The following NSG1 variants were observed in gnomAD, a reference collection of about 807,000 sequenced individuals.
NSG1 encodes the protein neuronal vesicle trafficking-associated protein 1.
In NSG1, 9 loss-of-function variants were observed where a neutral mutation model predicts 19.3. That is an observed-to-expected ratio of 0.47 (90% CI 0.28 to 0.81). The LOEUF is 0.81. Ranked by LOEUF, NSG1 falls within the 40% of genes least tolerant of loss-of-function variation. The probability of loss-of-function intolerance (pLI) is 0.11; values close to 1 mark genes in which losing one functional copy is unlikely to be tolerated. For missense variants in NSG1, 236 were observed against 242.4 expected (o/e 0.97, Z 0.18); for synonymous variants, 104 against 107.0 (o/e 0.97, Z 0.17).
intron 3 of NSG1, among the ~76,000 whole-genome samples, chr4:4,402,827 C>T (rs1263583309): frequency 1.3e-5 from 2 of 152,246 alleles, no homozygotes; most frequent in East Asian, 1.9e-4. Flanking sequence ...TTCTCCCAAC[C>T]TAGAGACTGC....
chr4:4,396,647 T>G (rs1256790377), intron 3 of NSG1, among the ~76,000 whole-genome samples: 1 of 149,634 alleles, frequency 6.7e-6, no homozygotes, highest in Non-Finnish European at 1.5e-5. Context: ...TTTGTGTCTT[T>G]TCTTCACATC....
intron 3 of NSG1, among the ~76,000 whole-genome samples, chr4:4,404,784 A>G (rs1425993495): frequency 2.6e-5 from 4 of 152,130 alleles, no homozygotes; most frequent in Non-Finnish European, 5.9e-5. Context: ...TTTAATTAGG[A>G]AAAAAGAGAT....
chr4:4,398,649 C>T (rs1177157380), intron 3 of NSG1, among the ~76,000 whole-genome samples: 1 of 152,224 alleles, frequency 6.6e-6, no homozygotes, highest in Non-Finnish European at 1.5e-5. Context: ...GAGTAATATT[C>T]CATTGTACCG....
intron 4 of NSG1, among the ~76,000 whole-genome samples, chr4:4,413,495 C>T (rs530898180): frequency 6.6e-5 from 10 of 150,892 alleles, no homozygotes; most frequent in East Asian, 2.0e-4. Flanking sequence ...CAAGCAGAAG[C>T]GGAGGGTGCG....
chr4:4,408,753 C>A (rs1724000392), intron 3 of NSG1, among the ~76,000 whole-genome samples: 1 of 152,222 alleles, frequency 6.6e-6, no homozygotes, highest in African/African-American at 2.4e-5. Context: ...AGTCACCACG[C>A]CCAGCCCGTT....
At chr4:4,390,495 TCCTGGTCC>T (rs1240116709) in intron 2 of NSG1, among the ~76,000 whole-genome samples, 13 of 152,320 alleles carry the variant, frequency 8.5e-5, no homozygotes, top group Non-Finnish European at 1.3e-4. Context: ...CTTTGTTCTG[TCCTGGTCC>T]CCACCATCGT....
intron 3 of NSG1, among the ~76,000 whole-genome samples, chr4:4,400,220 C>A (rs1219304699): frequency 6.6e-6 from 1 of 152,194 alleles, no homozygotes; most frequent in African/African-American, 2.4e-5. Flanking sequence ...ACTGTTCTTT[C>A]CTTATTGAAT....
intron 3 of NSG1, among the ~76,000 whole-genome samples, chr4:4,402,089 A>G (rs10033274): frequency 0.026 from 3,421 of 132,258 alleles, 118 homozygotes; most frequent in African/African-American, 0.091. Context: ...AGTTATCCCT[A>G]TGTTGCCCAG....
At chr4:4,387,051 G>A (rs1397697379), upstream of NSG1, 1 of 152,082 alleles carries the variant, frequency 6.6e-6, no homozygotes, top group Non-Finnish European at 1.5e-5. Context: ...GAGCGGCCGT[G>A]GAGCCCAATC....
intron 1 of NSG1, 43 bp from the exon 2 acceptor site, chr4:4,387,561 C>CCGGGGGTGGGGG: frequency 1.1e-5 from 13 of 1,141,974 alleles, no homozygotes; most frequent in Admixed American, 2.3e-5. Context: ...CGCCCCGCCC[C>CCGGGGGTGGGGG]GGGTCTTGCT....
intron 1 of NSG1, 43 bp from the exon 2 acceptor site, chr4:4,387,561 C>CCCGGGGGGGGGGGGGGGG: frequency 8.8e-7 from 1 of 1,141,986 alleles, no homozygotes; most frequent in African/African-American, 1.6e-5. Context: ...CGCCCCGCCC[C>CCCGGGGGGGGGGGGGGGG]GGGTCTTGCT....
At chr4:4,398,359 T>C (rs753362388) in intron 3 of NSG1, among the ~76,000 whole-genome samples, 1 of 152,242 alleles carries the variant, frequency 6.6e-6, no homozygotes, top group African/African-American at 2.4e-5. Context: ...TTCACCATGT[T>C]GTCCAACCAC....
chr4:4,416,288 G>A, intron 4 of NSG1: 1 of 690,038 alleles, frequency 1.4e-6, no homozygotes. Context: ...ACTGGATGCG[G>A]GGCAGTGTTG....
rs11936361 is a variant in NSG1 at position 4,409,502 on chromosome 4, C to T, written c.247-71C>T. Reference sequence around the variant, plus strand: ...CACATGCTGTGTGGGGGGGGGCCTTCGTGTGCGGGTGTGTGTGTGTCTGTC... The same window carrying T: ...CACATGCTGTGTGGGGGGGGGCCTTTGTGTGCGGGTGTGTGTGTGTCTGTC... On this transcript the variant is annotated intron_variant, in intron 3 of 4. Coordinates refer to ENST00000621129, the MANE Select transcript of NSG1 (RefSeq NM_014392.5). The T allele has an allele frequency of 5.3e-3, 5,981 of 1,126,518 alleles. 214 individuals are homozygous for T. In the African/African-American group the frequency reaches 0.079, roughly 15 times the overall value. The allele number at this position is 1,126,518 out of a possible 1,614,324, so 69.8% of individuals were successfully genotyped here. A position where few individuals can be genotyped will look rare whatever the true frequency, so the allele number is the denominator to read the frequency against.
intron 3 of NSG1, among the ~76,000 whole-genome samples, chr4:4,407,004 GCTGGC>G (rs1469005345): frequency 6.6e-6 from 1 of 152,244 alleles, no homozygotes; most frequent in Non-Finnish European, 1.5e-5. Flanking sequence ...GGTGCTGTGC[GCTGGC>G]CTGTGCACTG....
chr4:4,391,300 A>C (rs772389949), intron 2 of NSG1, among the ~76,000 whole-genome samples, 175 bp from the exon 3 acceptor site: 1 of 152,210 alleles, frequency 6.6e-6, no homozygotes, highest in Admixed American at 6.5e-5. Context: ...TGAATGGGTC[A>C]TTTCTCTGAA....
chr4:4,388,805 T>C (rs574959093), intron 2 of NSG1, among the ~76,000 whole-genome samples: 4 of 152,150 alleles, frequency 2.6e-5, no homozygotes, highest in Non-Finnish European at 5.9e-5. Flanking sequence ...AGCTTTATTG[T>C]GTGTGTCGTC....
chr4:4,400,074 C>A (rs546774729), intron 3 of NSG1, among the ~76,000 whole-genome samples: 38 of 152,286 alleles, frequency 2.5e-4, no homozygotes, highest in Non-Finnish European at 5.0e-4. Context: ...AGATTTTTCC[C>A]TTGTGTTTTC....
intron 3 of NSG1, among the ~76,000 whole-genome samples, chr4:4,402,753 C>T (rs1052458489): frequency 2.0e-5 from 3 of 152,162 alleles, no homozygotes; most frequent in Non-Finnish European, 2.9e-5. Context: ...ACGGTGGGCC[C>T]GGGTGTGGGC....
Sources: gnomAD v4.1 joint callset for allele counts (sites outside exome capture counted in the v4.1 genomes callset) on GRCh38, gnomAD v4.1.1 for gene constraint, MANE v1.5 for transcripts, NCBI Gene and HGNC (gene_info 2026-07-23, HGNC 2026-07-21) for gene names.